GRM7: variants seen among roughly 807,000 people sequenced by gnomAD.
The protein encoded by GRM7 is glutamate metabotropic receptor 7, also known as metabotropic glutamate receptor 7.
Under a neutral mutation model 84.5 loss-of-function variants are expected in GRM7, and 35 were observed. The observed-to-expected ratio is 0.41, with a 90% CI of 0.32 to 0.55. The LOEUF is 0.55. Ranked by LOEUF, GRM7 falls within the 20% of genes least tolerant of loss-of-function variation. The pLI is 0.19. For missense variants in GRM7, 1,003 were observed against 1,194.6 expected, an observed-to-expected ratio of 0.84 and a Z score of 2.36; for synonymous variants, 487 against 455.1, an observed-to-expected ratio of 1.07 and a Z score of -0.89.
intron 8 of GRM7, among the ~76,000 whole-genome samples, chr3:7,611,210 T>G (rs1250542126): frequency 2.6e-5 from 4 of 152,282 alleles, no homozygotes; most frequent in South Asian, 2.1e-4. Context: ...TTGCGAAAGA[T>G]TTAAGGAATC....
intron 1 of GRM7, among the ~76,000 whole-genome samples, chr3:7,138,747 A>G (rs1007809539): frequency 4.6e-5 from 7 of 151,606 alleles, no homozygotes; most frequent in Non-Finnish European, 1.0e-4. Context: ...GTAAACTGTA[A>G]ATATATGTTA....
chr3:7,136,543 A>G (rs547777748), intron 1 of GRM7, among the ~76,000 whole-genome samples: 1 of 152,242 alleles, frequency 6.6e-6, no homozygotes, highest in East Asian at 1.9e-4. Context: ...CCAAAAAAGT[A>G]TGCCGAGGAA....
intron 1 of GRM7, among the ~76,000 whole-genome samples, chr3:7,089,637 G>GT (rs1217391457): frequency 1.3e-5 from 2 of 152,106 alleles, no homozygotes; most frequent in Non-Finnish European, 2.9e-5. Flanking sequence ...AGGAAAAACA[G>GT]TAACATGTGA....
intron 1 of GRM7, among the ~76,000 whole-genome samples, chr3:6,912,304 C>T (rs777931494): frequency 3.0e-4 from 45 of 152,116 alleles, no homozygotes; most frequent in Admixed American, 1.6e-3. Flanking sequence ...TGTGAATTTT[C>T]ATGTGAAGTA....
At chr3:7,245,727 A>T (rs1285542631) in intron 2 of GRM7, among the ~76,000 whole-genome samples, 1 of 152,068 alleles carries the variant, frequency 6.6e-6, no homozygotes, top group Non-Finnish European at 1.5e-5. Context: ...ATTTGGATCC[A>T]TGAAAAGGAA....
At chr3:7,270,474 T>C (rs2124976411) in intron 2 of GRM7, among the ~76,000 whole-genome samples, 1 of 152,342 alleles carries the variant, frequency 6.6e-6, no homozygotes. Flanking sequence ...ATAGTTTTTT[T>C]TAGCCTTTCT....
intron 9 of GRM7, among the ~76,000 whole-genome samples, chr3:7,700,303 G>C (rs1701180595): frequency 6.6e-6 from 1 of 152,294 alleles, no homozygotes; most frequent in East Asian, 1.9e-4. Context: ...GTGGAAGCTG[G>C]AATTGTAGGA....
chr3:7,401,701 G>A (rs1695459763), intron 4 of GRM7, among the ~76,000 whole-genome samples: 1 of 152,140 alleles, frequency 6.6e-6, no homozygotes, highest in Admixed American at 6.6e-5. Flanking sequence ...AGTCAGGAAT[G>A]TTTGCTTCTT....
chr3:7,312,265 G>C (rs1490317415), intron 4 of GRM7, among the ~76,000 whole-genome samples: 1 of 152,084 alleles, frequency 6.6e-6, no homozygotes, highest in African/African-American at 2.4e-5. Flanking sequence ...GCGGTGTCTT[G>C]GCAGCAATGC....
At chr3:7,333,918 A>G (rs1262821256) in intron 4 of GRM7, among the ~76,000 whole-genome samples, 1 of 151,996 alleles carries the variant, frequency 6.6e-6, no homozygotes, top group Non-Finnish European at 1.5e-5. Context: ...AAAGACAAAG[A>G]ATAAAGAATT....
At chr3:7,329,413 A>G (rs897694170) in intron 4 of GRM7, among the ~76,000 whole-genome samples, 4 of 152,162 alleles carry the variant, frequency 2.6e-5, no homozygotes, top group Non-Finnish European at 5.9e-5. Context: ...GCAAGACTGC[A>G]TTGCCGGTAA....
intron 7 of GRM7, among the ~76,000 whole-genome samples, chr3:7,533,373 G>A (rs1701118084): frequency 6.6e-6 from 1 of 152,174 alleles, no homozygotes; most frequent in South Asian, 2.1e-4. Flanking sequence ...CATGGAAAAT[G>A]AACAACCTGC....
chr3:7,116,794 A>G (rs1693048717), intron 1 of GRM7, among the ~76,000 whole-genome samples: 1 of 152,140 alleles, frequency 6.6e-6, no homozygotes, highest in Non-Finnish European at 1.5e-5. Flanking sequence ...CTTCATCCAC[A>G]CAGCTTAATA....
intron 7 of GRM7, among the ~76,000 whole-genome samples, chr3:7,569,179 C>T (rs1266529662): frequency 6.7e-6 from 1 of 150,226 alleles, no homozygotes; most frequent in African/African-American, 2.5e-5. Flanking sequence ...CTGTGTCTAG[C>T]TCAGGGTTTG....
intron 2 of GRM7, among the ~76,000 whole-genome samples, chr3:7,206,662 T>C (rs1696250887): frequency 6.6e-6 from 1 of 152,182 alleles, no homozygotes; most frequent in South Asian, 2.1e-4. Context: ...TTATATCTGC[T>C]AAATATTTGC....
intron 4 of GRM7, among the ~76,000 whole-genome samples, chr3:7,328,152 A>AT (rs1284289409): frequency 1.3e-5 from 2 of 152,178 alleles, no homozygotes; most frequent in Non-Finnish European, 2.9e-5. Flanking sequence ...ATTAGCAAAG[A>AT]TTTTTCCCAT....
At chr3:7,064,463 C>CATATATATATAT (rs745409093) in intron 1 of GRM7, among the ~76,000 whole-genome samples, 1 of 87,362 alleles carries the variant, frequency 1.1e-5, no homozygotes, top group African/African-American at 5.0e-5. Context: ...GATATATATA[C>CATATATATATAT]ATATATATAT....
intron 1 of GRM7, among the ~76,000 whole-genome samples, chr3:6,901,111 T>G (rs1435636626): frequency 6.6e-6 from 1 of 152,204 alleles, no homozygotes; most frequent in African/African-American, 2.4e-5. Context: ...CATTTGTTTT[T>G]ATTTAGGAGT....
chr3:6,894,736 G>A (rs1030905892), intron 1 of GRM7, among the ~76,000 whole-genome samples: 2 of 152,122 alleles, frequency 1.3e-5, no homozygotes, highest in African/African-American at 4.8e-5. Context: ...TCTGACTTTA[G>A]GATAAAATCA....
Sources: gnomAD v4.1 joint callset for allele counts (sites outside exome capture counted in the v4.1 genomes callset) on GRCh38, gnomAD v4.1.1 for gene constraint, MANE v1.5 for transcripts, NCBI Gene and HGNC (gene_info 2026-07-23, HGNC 2026-07-21) for gene names.